The following TBX22 variants were observed in gnomAD, a reference collection of about 807,000 sequenced individuals.
The protein encoded by TBX22 is T-box transcription factor 22, also known as T-box transcription factor TBX22.
Under a neutral mutation model 30.1 loss-of-function variants are expected in TBX22, and 8 were observed. That is an observed-to-expected ratio of 0.27 (90% CI 0.16 to 0.48). The LOEUF is 0.48. TBX22 is among the 20% of genes least tolerant of loss of function. The pLI is 0.99. For synonymous variants in TBX22, 173 were observed against 149.1 expected, an observed-to-expected ratio of 1.16 and a Z score of -1.17; for missense variants, 463 against 400.5, an observed-to-expected ratio of 1.16 and a Z score of -1.33.
chrX:80,021,628 T>A (rs1014249732), intron 1 of TBX22, among the ~76,000 whole-genome samples: 2 of 112,393 alleles, frequency 1.8e-5, no homozygotes, highest in African/African-American at 6.5e-5. Flanking sequence ...CCTTTTCTCC[T>A]CTCTCTACTT....
At chrX:80,017,278 TTTTGTGTG>T (rs1476175460) in intron 1 of TBX22, among the ~76,000 whole-genome samples, 3 of 70,414 alleles carry the variant, frequency 4.3e-5, no homozygotes, top group Admixed American at 1.6e-4. Flanking sequence ...TTGGTGTTGT[TTTTGTGTG>T]TGTGTGTGTG....
Position 80,030,882 on chromosome X carries a change from A to G in TBX22, c.1334A>G (p.Tyr445Cys). 2 of 1,211,848 alleles carry G rather than the reference A, an allele frequency of 1.7e-6. No individual in the cohort carries two copies. The highest frequency in any genetic ancestry group is 2.2e-6 in the Non-Finnish European group (2 of 895,380). Residue 445 changes from tyrosine to cysteine, a missense_variant, in exon 9 of 9, where the codon TAT becomes TGT. Transcript: ENST00000373296. The part of the protein sequence containing the change: ...QAPNSTNQML[Y>C]GLQSPGNIFL... ...CCTAATTCTACCAATCAAATGTTAT[A>G]TGGATTACAGTCACCTGGAAATATT... is the stretch of plus-strand genomic sequence containing the variant.
At chrX:80,029,638 G>A (rs963952528) in intron 8 of TBX22, among the ~76,000 whole-genome samples, 1 of 111,779 alleles carries the variant, frequency 8.9e-6, no homozygotes, top group Non-Finnish European at 1.9e-5. Flanking sequence ...TTTTAAATCA[G>A]TGTACCTTTG....
Position 80,030,757 on chromosome X carries a change from A to C in TBX22, c.1209A>C (p.Leu403Phe). 8.3e-7 allele frequency: 1 copy of C among 1,211,939 alleles called. No homozygotes were observed. Among genetic ancestry groups the C allele is most frequent in the Non-Finnish European group, 1.1e-6 (1 of 895,486 alleles). Residue 403 changes from leucine to phenylalanine, a missense_variant, in exon 9 of 9, where the codon TTA (leucine) becomes TTC (phenylalanine). By Grantham distance (22) the Leu-to-Phe change is conservative (BLOSUM62 0). Transcript: ENST00000373296. ...RLASSNSSQSLAPLMMEVPML... is the reference protein window; with the variant it reads ...RLASSNSSQSFAPLMMEVPML... The stretch of plus-strand genomic sequence containing the variant: ...CAAGCAGCAACAGTTCTCAGTCTTT[A>C]GCCCCACTCATGATGGAAGTGCCTA...
At chrX:80,027,928 C>T in intron 7 of TBX22, 63 bp from the exon 8 acceptor site, 2 of 871,861 alleles carry the variant, frequency 2.3e-6, no homozygotes, top group Non-Finnish European at 3.4e-6. Context: ...AGCAAAATAA[C>T]TCAAAATCAT....
At chrX:80,020,220 T>C (rs997497406) in intron 1 of TBX22, among the ~76,000 whole-genome samples, 6 of 111,421 alleles carry the variant, frequency 5.4e-5, no homozygotes, top group Admixed American at 9.6e-5. Flanking sequence ...AACTCGACTT[T>C]TCTGTTTTTT....
chrX:80,027,964 A>T (rs1269067904), intron 7 of TBX22, 27 bp from the exon 8 acceptor site: 1 of 1,090,271 alleles, frequency 9.2e-7, no homozygotes, highest in Non-Finnish European at 1.3e-6. Flanking sequence ...CATTCTGGGG[A>T]TGCTGAAAGT....
chrX:80,022,436 A>G lies in TBX22; in HGVS notation c.167A>G (p.Glu56Gly). The change falls in exon 2 of 9, where the codon GAG becomes GGG. Residue 56 changes from glutamate to glycine, a missense_variant. Glu to Gly is a moderately conservative substitution (Grantham distance 98, BLOSUM62 -2). Coordinates refer to ENST00000373296, the MANE Select transcript of TBX22 (RefSeq NM_001109878.2). ...AGGAGCAGCGCTGCAGGGAAGAGCG[A>G]GCCGCTTGGTAAGTACTGCCATTGC... ...ERRSSAAGKS[E>G]PLEKQPKTEP... 1 of 1,183,629 alleles carries G rather than the reference A, an allele frequency of 8.4e-7. No individual in the cohort carries two copies. The highest frequency in any genetic ancestry group is 1.1e-6 in the Non-Finnish European group (1 of 881,863).
At chrX:80,025,264 C>A (rs1463034441) in intron 4 of TBX22, among the ~76,000 whole-genome samples, 1 of 111,550 alleles carries the variant, frequency 9.0e-6, no homozygotes, top group African/African-American at 3.3e-5. Flanking sequence ...TCCACTTCTT[C>A]CCAGACTCTT....
intron 1 of TBX22, among the ~76,000 whole-genome samples, chrX:80,015,787 C>A (rs1434428980): frequency 1.8e-5 from 2 of 111,721 alleles, no homozygotes. Context: ...TCCATGAAGA[C>A]CTTATTGTTT....
chrX:80,025,947 G>A (rs1395464984), intron 5 of TBX22, among the ~76,000 whole-genome samples, 170 bp downstream of exon 5: 1 of 111,404 alleles, frequency 9.0e-6, no homozygotes, highest in Admixed American at 9.5e-5. Flanking sequence ...CTCCTGAAAC[G>A]TTTGTTTAGC....
chrX:80,025,341 G>C (rs1480962774), intron 4 of TBX22, among the ~76,000 whole-genome samples: 1 of 112,199 alleles, frequency 8.9e-6, no homozygotes, highest in Non-Finnish European at 1.9e-5. Context: ...CAATTTCTGT[G>C]GTGGTTTCTG....
At chrX:80,022,608 G>C in intron 2 of TBX22, 164 bp downstream of exon 2, 11 of 518,879 alleles carry the variant, frequency 2.1e-5, no homozygotes, top group Middle Eastern at 1.1e-3. Flanking sequence ...CCATCCCGGA[G>C]TACAGCAGTT....
In TBX22 at chrX:80,030,662, T is replaced by C. The variant is rs948170365; in HGVS notation, c.1114T>C (p.Cys372Arg). 4.1e-6 allele frequency: 5 copies of C among 1,211,866 alleles called. No individual in the cohort carries two copies. The African/African-American group carries it at 5.2e-5, about 13-fold the overall frequency. Residue 372 changes from cysteine to arginine, a missense_variant, in exon 9 of 9, where the codon TGC becomes CGC. Physicochemically the swap from Cys to Arg is radical, Grantham distance 180. Coordinates refer to ENST00000373296, the MANE Select transcript of TBX22 (RefSeq NM_001109878.2). ...AYLPNVNLPL[C>R]YKICPTNFWQ... ...CCTGCCCAATGTCAACCTGCCTCTA[T>C]GCTACAAGATTTGTCCAACTAATTT... is the stretch of plus-strand genomic sequence containing the variant.
Position 80,022,419 on chromosome X carries a change from C to G in TBX22, c.150C>G (p.Ser50Arg). 1 of 1,195,827 alleles carries G rather than the reference C, an allele frequency of 8.4e-7. No individual in the cohort carries two copies. The highest frequency in any genetic ancestry group is 1.1e-6 in the Non-Finnish European group (1 of 887,478). The change falls in exon 2 of 9, where the codon AGC (serine) becomes AGG (arginine). Residue 50 changes from serine to arginine, a missense_variant. Ser to Arg is a moderately radical substitution (Grantham distance 110). Transcript: ENST00000373296. ...AGGAAGAGGAGGAGAGAAGGAGCAG[C>G]GCTGCAGGGAAGAGCGAGCCGCTTG... ...GGEEEEERRS[S>R]AAGKSEPLEK...
chrX:80,024,395 G>A (rs1293478278), intron 4 of TBX22, among the ~76,000 whole-genome samples: 4 of 111,477 alleles, frequency 3.6e-5, no homozygotes, highest in Admixed American at 9.5e-5. Context: ...TTGGAATGCC[G>A]TGAATTCAGG....
chrX:80,030,171 C>T (rs1292953503), intron 8 of TBX22, among the ~76,000 whole-genome samples: 2 of 111,652 alleles, frequency 1.8e-5, no homozygotes, highest in East Asian at 2.8e-4. Flanking sequence ...CTAATGCTGC[C>T]GCTGATCTGA....
intron 3 of TBX22, 135 bp from the exon 4 acceptor site, chrX:80,023,928 T>C: frequency 1.8e-6 from 1 of 563,180 alleles, no homozygotes; most frequent in Non-Finnish European, 3.1e-6. Flanking sequence ...CAAATGCTAT[T>C]CCTTGCTATT....
At chrX:80,019,638 G>A (rs190111213) in intron 1 of TBX22, among the ~76,000 whole-genome samples, 35 of 111,099 alleles carry the variant, frequency 3.2e-4, no homozygotes, top group Non-Finnish European at 4.9e-4. Flanking sequence ...ATGCGCCTCA[G>A]GCCCCCAATA....
Sources: gnomAD v4.1 joint callset for allele counts (sites outside exome capture counted in the v4.1 genomes callset) on GRCh38, gnomAD v4.1.1 for gene constraint, MANE v1.5 for transcripts, NCBI Gene and HGNC (gene_info 2026-07-23, HGNC 2026-07-21) for gene names.